Variants in MYO9A observed in about 807,000 individuals in gnomAD.
MYO9A encodes unconventional myosin-IXa.
In MYO9A, 103 loss-of-function variants were observed where a neutral mutation model predicts 293.3. That is an observed-to-expected ratio of 0.35 (90% CI 0.30 to 0.41). The LOEUF (loss-of-function observed/expected upper bound fraction) is 0.41, where lower values mean the gene tolerates loss of function less well. MYO9A is among the 10% of genes least tolerant of loss of function. The pLI, the probability that MYO9A is intolerant of heterozygous loss-of-function variation, is 1.00. For synonymous variants in MYO9A, 1,001 were observed against 1,035.7 expected (o/e 0.97, Z 0.64); for missense variants, 2,685 against 3,033.0 (o/e 0.89, Z 2.69).
At chr15:71,949,409 G>A (rs576241859) in intron 15 of MYO9A, among the ~76,000 whole-genome samples, 1 of 151,276 alleles carries the variant, frequency 6.6e-6, no homozygotes, top group East Asian at 1.9e-4. Context: ...TCACTATGCT[G>A]GGTGTTTTTT....
At chr15:72,031,902 T>G (rs1451078813) in intron 3 of MYO9A, among the ~76,000 whole-genome samples, 1 of 151,960 alleles carries the variant, frequency 6.6e-6, no homozygotes, top group Non-Finnish European at 1.5e-5. Flanking sequence ...GAAAACAACT[T>G]TTTATTTTTT....
chr15:71,962,781 C>CT (rs1169952832), intron 13 of MYO9A, among the ~76,000 whole-genome samples: 1 of 152,172 alleles, frequency 6.6e-6, no homozygotes, highest in Non-Finnish European at 1.5e-5. Context: ...TGCCCTACTC[C>CT]TATTAATAAC....
chr15:72,117,093 G>C (rs2081010341), intron 1 of MYO9A: 1 of 152,298 alleles, frequency 6.6e-6, no homozygotes, highest in African/African-American at 2.4e-5. Flanking sequence ...GTTGAGAGAG[G>C]CTACAGTCGG....
intron 9 of MYO9A, 37 bp downstream of exon 9, chr15:71,999,814 T>A (rs765327296): frequency 6.5e-7 from 1 of 1,549,978 alleles, no homozygotes; most frequent in East Asian, 2.3e-5. Context: ...TCTAACAATG[T>A]CCAGAATGCT....
At chr15:72,055,168 C>T (rs1282117638) in intron 1 of MYO9A, among the ~76,000 whole-genome samples, 1 of 152,180 alleles carries the variant, frequency 6.6e-6, no homozygotes, top group Admixed American at 6.5e-5. Flanking sequence ...TGCCCATAGT[C>T]ATAGCTATTT....
chr15:72,061,727 G>A (rs1405158256), intron 1 of MYO9A, among the ~76,000 whole-genome samples: 1 of 151,972 alleles, frequency 6.6e-6, no homozygotes, highest in African/African-American at 2.4e-5. Flanking sequence ...CTAGCTCCCA[G>A]CCAGCATTTC....
chr15:72,118,011 C>G lies in MYO9A; in HGVS notation c.-403G>C, dbSNP rs2081066809. On this transcript the variant is annotated 5_prime_UTR_variant, in exon 1 of 42. Transcript: ENST00000356056. Reference sequence around the variant, plus strand: ...TGCCTCCGCCGCCGCCTCTCGCAGTCCGGGCTGTCCTGTACTCTCTCAACA... The same window carrying G: ...TGCCTCCGCCGCCGCCTCTCGCAGTGCGGGCTGTCCTGTACTCTCTCAACA... 6 of 398,198 alleles carry G rather than the reference C, an allele frequency of 1.5e-5. No individual in the cohort carries two copies. In the East Asian group the frequency reaches 2.1e-4, roughly 14 times the overall value. 24.7% of individuals were successfully genotyped at this position (398,198 alleles called of 1,614,324 possible).
chr15:72,098,802 C>A (rs913588264), intron 1 of MYO9A, among the ~76,000 whole-genome samples: 3 of 151,770 alleles, frequency 2.0e-5, no homozygotes, highest in African/African-American at 4.8e-5. Context: ...TGAGACCACA[C>A]CCCCATCTCA....
At chr15:72,021,712 C>T (rs942247958) in intron 4 of MYO9A, among the ~76,000 whole-genome samples, 1 of 152,116 alleles carries the variant, frequency 6.6e-6, no homozygotes, top group African/African-American at 2.4e-5. Context: ...TTGGGGCAAA[C>T]AATAGGCTAA....
In MYO9A at chr15:71,893,690, C is replaced by G. The variant is rs540082917; in HGVS notation, c.5131G>C (p.Gly1711Arg). The change falls in exon 26 of 42, where the codon GGC becomes CGC. Residue 1711 changes from glycine to arginine, a missense_variant. This residue lies in a region of MYO9A where 1,434 missense variants were observed against 1,497.7 expected (regional missense o/e 0.96). Coordinates refer to ENST00000356056, the MANE Select transcript of MYO9A (RefSeq NM_006901.4). ...AACTCAAAACTTACCTCTCTTTGGC[C>G]TGGCCCAGCTAACTTCACAGGTTTC... ...AWKPVKLAGP[G>R]QRETSQRFSS... is the part of the protein sequence containing the mutation. 22 of 1,613,606 alleles carry G rather than the reference C, an allele frequency of 1.4e-5. No homozygotes were observed. In the East Asian group the frequency reaches 4.9e-4, roughly 36 times the overall value.
Position 71,899,859 on chromosome 15 carries a change from C to A in MYO9A, c.3298G>T (p.Ala1100Ser), listed in dbSNP as rs762411403. 21 of 1,614,034 alleles carry A rather than the reference C, an allele frequency of 1.3e-5. No homozygotes were observed. Among genetic ancestry groups the A allele is most frequent in the African/African-American group, 2.7e-5 (2 of 74,926 alleles). Reference protein sequence around the residue: ...ERQRYLELRAAAIVIQQKWRD... With the variant: ...ERQRYLELRASAIVIQQKWRD... Reference sequence around the variant, plus strand: ...CATTTCTGCTGGATAACGATGGCTGCAGCCCGTAACTCCAAGTACCGCTGC... The same window carrying A: ...CATTTCTGCTGGATAACGATGGCTGAAGCCCGTAACTCCAAGTACCGCTGC... The change falls in exon 24 of 42, where the codon GCA becomes TCA. Residue 1100 changes from alanine (A) to serine (S), a missense_variant. Coordinates refer to ENST00000356056, the MANE Select transcript of MYO9A (RefSeq NM_006901.4).
intron 9 of MYO9A, among the ~76,000 whole-genome samples, chr15:71,998,376 C>G (rs1034833070): frequency 6.6e-6 from 1 of 152,086 alleles, no homozygotes; most frequent in African/African-American, 2.4e-5. Context: ...ACGAAATAAT[C>G]TCTACAACAA....
At chr15:72,037,716 C>G (rs2078099482) in intron 2 of MYO9A, among the ~76,000 whole-genome samples, 1 of 151,992 alleles carries the variant, frequency 6.6e-6, no homozygotes, top group African/African-American at 2.4e-5. Context: ...AGAAAACAAC[C>G]ACAAACCTTG....
At chr15:71,973,753 A>C (rs2076070827) in intron 12 of MYO9A, among the ~76,000 whole-genome samples, 1 of 152,220 alleles carries the variant, frequency 6.6e-6, no homozygotes, top group African/African-American at 2.4e-5. Context: ...AGGTTACAGT[A>C]AATGCTGTAG....
chr15:71,998,550 C>CTTTTTTTT (rs765185033), intron 9 of MYO9A, among the ~76,000 whole-genome samples: 3 of 106,168 alleles, frequency 2.8e-5, no homozygotes, highest in Non-Finnish European at 3.7e-5. Context: ...ATTTGGCTTT[C>CTTTTTTTT]TTTTTTTTTT....
At position 72,032,512 on chromosome 15, in the gene MYO9A, T is replaced by C; in HGVS notation, c.917A>G (p.Glu306Gly). The C allele has an allele frequency of 1.9e-6, 3 of 1,605,532 alleles. No individual in the cohort carries two copies. Among genetic ancestry groups the C allele is most frequent in the Non-Finnish European group, 1.7e-6 (2 of 1,176,290 alleles). Residue 306 changes from glutamate (E) to glycine (G), a missense_variant, in exon 3 of 42, where the codon GAA becomes GGA. Physicochemically the swap from Glu to Gly is moderately conservative, Grantham distance 98. This residue lies in a region of MYO9A where 289 missense variants were observed against 456.8 expected (regional missense o/e 0.63). Coordinates refer to ENST00000356056, the MANE Select transcript of MYO9A (RefSeq NM_006901.4). ...FGKFIQVNYQ[E>G]TGTVLGAYVE... ...TACTTACCCAAGTACAGTGCCTGTTTCCTGGTAATTTACTTGAATAAACTT... is the reference window on the plus strand; with the variant it reads ...TACTTACCCAAGTACAGTGCCTGTTCCCTGGTAATTTACTTGAATAAACTT...
chr15:71,937,136 G>A lies in MYO9A; in HGVS notation c.2379-1652C>T, dbSNP rs148730409. 5.6e-3 allele frequency among the ~76,000 whole-genome samples: 858 copies of A among 152,198 alleles called. 12 individuals carry two copies. Among genetic ancestry groups the A allele is most frequent in the African/African-American group, 0.02 (813 of 41,528 alleles). On this transcript the variant is annotated intron_variant, in intron 16 of 41. Coordinates refer to ENST00000356056, the MANE Select transcript of MYO9A (RefSeq NM_006901.4). ...TGTTGAAATGACAACATATTCTGCAGTAGGGACTGTGAGGAAAAAATTCTT... is the reference window on the plus strand; with the variant it reads ...TGTTGAAATGACAACATATTCTGCAATAGGGACTGTGAGGAAAAAATTCTT...
chr15:71,998,462 G>C (rs1461608397), intron 9 of MYO9A, among the ~76,000 whole-genome samples: 3 of 149,352 alleles, frequency 2.0e-5, no homozygotes, highest in Non-Finnish European at 4.4e-5. Context: ...TTTTTTAAAA[G>C]AAGAAAAAGG....
intron 1 of MYO9A, among the ~76,000 whole-genome samples, chr15:72,091,269 T>C (rs1450097176): frequency 6.6e-6 from 1 of 152,202 alleles, no homozygotes; most frequent in Non-Finnish European, 1.5e-5. Context: ...ACAAATTTAC[T>C]GAATTTTACA....
Sources: gnomAD v4.1 joint callset for allele counts (sites outside exome capture counted in the v4.1 genomes callset) on GRCh38, gnomAD v4.1.1 for gene constraint, gnomAD v4.1.1 regional missense constraint, MANE v1.5 for transcripts, NCBI Gene and HGNC (gene_info 2026-07-23, HGNC 2026-07-21) for gene names.